BCL2: variants seen among roughly 807,000 people sequenced by gnomAD.
BCL2 encodes apoptosis regulator Bcl-2.
BCL2 carries 1 observed loss-of-function variant against 14.2 expected under a neutral mutation model. That is an observed-to-expected ratio of 0.07 (90% CI 0.02 to 0.33). The LOEUF is 0.33. Ranked by LOEUF, BCL2 falls within the 10% of genes least tolerant of loss-of-function variation. The probability of loss-of-function intolerance (pLI) is 0.99; values close to 1 mark genes in which losing one functional copy is unlikely to be tolerated. For synonymous variants in BCL2, 151 were observed against 137.2 expected, an observed-to-expected ratio of 1.10 and a Z score of -0.70; for missense variants, 247 against 305.9, an observed-to-expected ratio of 0.81 and a Z score of 1.44.
chr18:63,305,609 T>C (rs1171718243), intron 2 of BCL2, among the ~76,000 whole-genome samples: 2 of 152,084 alleles, frequency 1.3e-5, no homozygotes, highest in Non-Finnish European at 2.9e-5. Flanking sequence ...ACCACTGTCA[T>C]TTTTTTCACC....
At chr18:63,235,778 C>T (rs551595809) in intron 2 of BCL2, among the ~76,000 whole-genome samples, 10 of 151,382 alleles carry the variant, frequency 6.6e-5, no homozygotes, top group Admixed American at 2.0e-4. Flanking sequence ...TCTGTTTGCT[C>T]GAGATCTTTC....
At chr18:63,276,974 T>C (rs1485947939) in intron 2 of BCL2, among the ~76,000 whole-genome samples, 1 of 152,188 alleles carries the variant, frequency 6.6e-6, no homozygotes, top group Non-Finnish European at 1.5e-5. Context: ...TAAATATCTA[T>C]CATAAGAAGT....
At chr18:63,289,438 A>G (rs1329645804) in intron 2 of BCL2, among the ~76,000 whole-genome samples, 1 of 152,134 alleles carries the variant, frequency 6.6e-6, no homozygotes, top group Non-Finnish European at 1.5e-5. Context: ...AGCAGGAAAA[A>G]GATCCCCAGA....
At chr18:63,138,392 G>A (rs1203148327) in intron 2 of BCL2, among the ~76,000 whole-genome samples, 1 of 152,236 alleles carries the variant, frequency 6.6e-6, no homozygotes, top group Non-Finnish European at 1.5e-5. Flanking sequence ...TGTGGCTTTG[G>A]CAGCTGCATG....
intron 2 of BCL2, among the ~76,000 whole-genome samples, chr18:63,305,874 C>T (rs761659543): frequency 5.3e-5 from 8 of 152,066 alleles, no homozygotes; most frequent in Non-Finnish European, 1.2e-4. Flanking sequence ...GAGTTTGTGA[C>T]CAGCCTGGGC....
intron 2 of BCL2, among the ~76,000 whole-genome samples, chr18:63,212,392 AT>A (rs1394211077): frequency 6.6e-6 from 1 of 151,640 alleles, no homozygotes; most frequent in Non-Finnish European, 1.5e-5. Context: ...AGCTTTGAAA[AT>A]TCCAAGTTTC....
At position 63,149,524 on chromosome 18, in the gene BCL2, C is replaced by T. The variant is rs1388195538; in HGVS notation, c.586-20765G>A. Among the ~76,000 whole-genome samples, 1 of 152,184 alleles carries T rather than the reference C, an allele frequency of 6.6e-6. No individual in the cohort carries two copies. Among genetic ancestry groups the T allele is most frequent in the Non-Finnish European group, 1.5e-5 (1 of 68,032 alleles). ...TGTTCTGTCTCTGTTTCTCTTCTAG[C>T]CCAGGGAGATGTCATTCTGTTACCC... On this transcript the variant is annotated intron_variant, in intron 2 of 2. Transcript: ENST00000333681. This position sits in a 1 kb window ranked among gnomAD's most constrained non-coding sequence, Gnocchi z 4.2.
chr18:63,178,075 C>T (rs752203195), intron 2 of BCL2, among the ~76,000 whole-genome samples: 4 of 152,198 alleles, frequency 2.6e-5, no homozygotes, highest in Admixed American at 1.3e-4. Flanking sequence ...TGAGCCAAGT[C>T]CCCTGAGCAA....
chr18:63,147,187 C>A (rs1226396251), intron 2 of BCL2, among the ~76,000 whole-genome samples: 1 of 152,194 alleles, frequency 6.6e-6, no homozygotes, highest in Non-Finnish European at 1.5e-5. Context: ...CTCAGTTCCT[C>A]CACTTGTGGT....
rs1166364992 is a variant in BCL2 at position 63,125,082 on chromosome 18, T to G, written c.*3543A>C. 1 of 221,612 alleles carries G rather than the reference T, an allele frequency of 4.5e-6. No individual in the cohort carries two copies. Among genetic ancestry groups the G allele is most frequent in the African/African-American group, 2.2e-5 (1 of 44,716 alleles). The allele number at this position is 221,612 out of a possible 1,614,324, so 13.7% of individuals were successfully genotyped here. On this transcript the variant is annotated 3_prime_UTR_variant, in exon 3 of 3. Transcript: ENST00000333681. ...ATGTGTTGGGATTGCCCTGATTATT[T>G]ACATTTAATCTTGATTATTATAACT...
At chr18:63,156,576 T>C (rs1914788656) in intron 2 of BCL2, among the ~76,000 whole-genome samples, 1 of 152,056 alleles carries the variant, frequency 6.6e-6, no homozygotes, top group Non-Finnish European at 1.5e-5. Flanking sequence ...GCCCCTCCAG[T>C]CTCACCCTCA....
chr18:63,228,875 G>A (rs990450746), intron 2 of BCL2, among the ~76,000 whole-genome samples: 1 of 152,154 alleles, frequency 6.6e-6, no homozygotes, highest in Non-Finnish European at 1.5e-5. Context: ...GGCTCAACTG[G>A]TTTTTTGTAT....
At chr18:63,214,149 G>A (rs763353140) in intron 2 of BCL2, among the ~76,000 whole-genome samples, 4 of 152,182 alleles carry the variant, frequency 2.6e-5, no homozygotes, top group Non-Finnish European at 4.4e-5. Flanking sequence ...GAAATGGAAG[G>A]GAGAGGGGCA....
In BCL2 at chr18:63,128,639, G is replaced by A; in HGVS notation, c.706C>T (p.Leu236=). 1.3e-6 allele frequency: 1 copy of A among 780,990 alleles called. No homozygotes were observed. The highest frequency in any genetic ancestry group is 2.4e-6 in the Non-Finnish European group (1 of 418,076). The allele number at this position is 780,990 out of a possible 1,614,324, so 48.4% of individuals were successfully genotyped here. ...VGACITLGAY[L]GHK ...GCATGTTGACTTCACTTGTGGCCCA[G>A]ATAGGCACCCAGGGTGATGCAAGCT... Residue 236 remains leucine (L), a synonymous_variant, in exon 3 of 3, where the codon CTG becomes TTG. Transcript: ENST00000333681.
At chr18:63,273,173 T>C (rs1286872273) in intron 2 of BCL2, among the ~76,000 whole-genome samples, 1 of 152,214 alleles carries the variant, frequency 6.6e-6, no homozygotes, top group Non-Finnish European at 1.5e-5. Flanking sequence ...AGTAGACTCA[T>C]GAGTGGGGCT....
intron 2 of BCL2, among the ~76,000 whole-genome samples, chr18:63,256,877 T>C (rs1911492850): frequency 6.6e-6 from 1 of 152,126 alleles, no homozygotes; most frequent in African/African-American, 2.4e-5. Context: ...ACCAGACACA[T>C]GGCCACTAAA....
rs1433788915 is a variant in BCL2, at chr18:63,125,814, T to C, written c.*2811A>G. ...GTGCAGCCACAATACTGTACAGTTC[T>C]GGGGCCAAGAGGCTGGGCACATTTA... On this transcript the variant is annotated 3_prime_UTR_variant, in exon 3 of 3. Coordinates refer to ENST00000333681, the MANE Select transcript of BCL2 (RefSeq NM_000633.3). 9.1e-6 allele frequency: 2 copies of C among 218,648 alleles called. No individual in the cohort carries two copies. The highest frequency in any genetic ancestry group is 1.8e-5 in the Non-Finnish European group (2 of 108,690). 13.5% of individuals were successfully genotyped at this position (218,648 alleles called of 1,614,324 possible). A position where few individuals can be genotyped will look rare whatever the true frequency, so the allele number is the denominator to read the frequency against.
chr18:63,265,989 G>A (rs979700640), intron 2 of BCL2, among the ~76,000 whole-genome samples: 4 of 152,108 alleles, frequency 2.6e-5, no homozygotes, highest in African/African-American at 7.2e-5. Context: ...GAGTACATCC[G>A]TTATGAGGGA....
At chr18:63,159,271 C>T (rs1914858437) in intron 2 of BCL2, among the ~76,000 whole-genome samples, 1 of 152,170 alleles carries the variant, frequency 6.6e-6, no homozygotes, top group South Asian at 2.1e-4. Context: ...ACCCGGTCTT[C>T]TGATTTGCCT....
Sources: allele counts gnomAD v4.1 joint callset (sites outside exome capture counted in the v4.1 genomes callset), GRCh38; gene constraint gnomAD v4.1.1; non-coding constraint Gnocchi (gnomAD v3.1); transcripts MANE v1.5; gene names NCBI Gene and HGNC (gene_info 2026-07-23, HGNC 2026-07-21).